CDC42BPA: variants seen among roughly 807,000 people sequenced by gnomAD.
CDC42BPA encodes serine/threonine-protein kinase MRCK alpha.
In CDC42BPA, 80 loss-of-function variants were observed where a neutral mutation model predicts 223.5. The observed-to-expected ratio is 0.36, with a 90% CI of 0.30 to 0.43. The LOEUF is 0.43. Among genes scored for constraint, CDC42BPA ranks in the 20% least tolerant of loss-of-function variants. The pLI is 1.00. For synonymous variants in CDC42BPA, 694 were observed against 718.6 expected (o/e 0.97, Z 0.55); for missense variants, 1,743 against 2,099.9 (o/e 0.83, Z 3.32).
intron 21 of CDC42BPA, among the ~76,000 whole-genome samples, chr1:227,067,431 A>G (rs1677319584): frequency 6.6e-6 from 1 of 152,180 alleles, no homozygotes; most frequent in East Asian, 1.9e-4. Flanking sequence ...AAGGTTTTCT[A>G]GTGGAAAGAA....
chr1:227,022,305 T>A (rs1015437189), intron 32 of CDC42BPA, among the ~76,000 whole-genome samples: 1 of 151,832 alleles, frequency 6.6e-6, no homozygotes, highest in Non-Finnish European at 1.5e-5. Flanking sequence ...TGGTGGTGCA[T>A]ACCTATAATC....
At chr1:227,114,279 G>A (rs1687429076) in intron 12 of CDC42BPA, among the ~76,000 whole-genome samples, 1 of 151,906 alleles carries the variant, frequency 6.6e-6, no homozygotes, top group Admixed American at 6.6e-5. Context: ...AACAGACACT[G>A]AAGAAGTAAC....
intron 35 of CDC42BPA, among the ~76,000 whole-genome samples, chr1:226,996,310 A>G (rs901892776): frequency 2.6e-5 from 4 of 152,214 alleles, no homozygotes; most frequent in Non-Finnish European, 5.9e-5. Flanking sequence ...ATTTTTGCAC[A>G]TTGATTTTGT....
chr1:227,111,365 C>T (rs1686885395), intron 14 of CDC42BPA, among the ~76,000 whole-genome samples: 1 of 152,168 alleles, frequency 6.6e-6, no homozygotes, highest in African/African-American at 2.4e-5. Flanking sequence ...CTGTAATATA[C>T]ATAATACTAT....
intron 11 of CDC42BPA, among the ~76,000 whole-genome samples, chr1:227,123,955 A>G (rs553671623): frequency 6.6e-6 from 1 of 152,290 alleles, no homozygotes; most frequent in African/African-American, 2.4e-5. Flanking sequence ...TCTCAGAAGT[A>G]CATTATAGAT....
At chr1:227,060,025 TTTTTG>T (rs1558401564) in intron 21 of CDC42BPA, among the ~76,000 whole-genome samples, 3 of 77,188 alleles carry the variant, frequency 3.9e-5, no homozygotes, top group Non-Finnish European at 5.4e-5. Context: ...AAAAAGTTTT[TTTTTG>T]TTTTTTTTTT....
intron 2 of CDC42BPA, among the ~76,000 whole-genome samples, chr1:227,225,135 ATT>A (rs1300050514): frequency 3.2e-4 from 48 of 152,210 alleles, no homozygotes; most frequent in African/African-American, 1.2e-3. Context: ...AAGACTAAAT[ATT>A]TGGTAAGAAA....
chr1:227,120,975 G>A (rs1022601298), intron 11 of CDC42BPA, among the ~76,000 whole-genome samples: 48 of 152,162 alleles, frequency 3.2e-4, no homozygotes, highest in African/African-American at 1.2e-3. Flanking sequence ...CGCATGAGCA[G>A]TTCACAATAG....
chr1:227,200,430 T>TAAA (rs1472043982), intron 3 of CDC42BPA, among the ~76,000 whole-genome samples: 1 of 93,756 alleles, frequency 1.1e-5, no homozygotes, highest in African/African-American at 4.1e-5. Flanking sequence ...GACCTTGCCT[T>TAAA]AAAAAACAAA....
intron 24 of CDC42BPA, among the ~76,000 whole-genome samples, chr1:227,038,834 C>G (rs1051588292): frequency 2.6e-5 from 4 of 152,198 alleles, no homozygotes; most frequent in African/African-American, 9.7e-5. Flanking sequence ...GTGGTCCAGT[C>G]ACAGCAAAAG....
chr1:227,232,063 C>CT (rs1244989275), intron 2 of CDC42BPA, among the ~76,000 whole-genome samples: 1 of 152,174 alleles, frequency 6.6e-6, no homozygotes, highest in Admixed American at 6.5e-5. Context: ...TTGCCCATGC[C>CT]ATGGCCTCAA....
chr1:227,168,566 G>A (rs772599081), intron 5 of CDC42BPA, among the ~76,000 whole-genome samples: 7 of 140,922 alleles, frequency 5.0e-5, no homozygotes, highest in South Asian at 2.2e-4. Flanking sequence ...TGCGATCTCC[G>A]CTCGCTGCAA....
At chr1:227,162,760 T>A (rs1345494029) in intron 5 of CDC42BPA, among the ~76,000 whole-genome samples, 3 of 152,080 alleles carry the variant, frequency 2.0e-5, no homozygotes, top group Non-Finnish European at 4.4e-5. Context: ...CACCTGAGCC[T>A]GGGAGGTCAA....
At chr1:227,023,498 A>G (rs1304313310) in intron 31 of CDC42BPA, 151 bp from the exon 32 acceptor site, 1 of 500,898 alleles carries the variant, frequency 2.0e-6, no homozygotes, top group Admixed American at 3.8e-5. Flanking sequence ...AATAATTCTG[A>G]CTGGAAAGGT....
At chr1:227,193,695 A>C in intron 5 of CDC42BPA, 91 bp downstream of exon 5, 1 of 1,058,240 alleles carries the variant, frequency 9.4e-7, no homozygotes, top group East Asian at 2.5e-5. Flanking sequence ...TGTATCCAAG[A>C]CCATAATTAA....
rs948173113 is a variant in CDC42BPA at position 227,081,047 on chromosome 1, T to C, written c.2356-30A>G. The C allele has an allele frequency of 1.9e-6, 3 of 1,609,394 alleles. No homozygotes were observed. In the African/African-American group the frequency reaches 4.0e-5, roughly 22 times the overall value. ...AAGATAGTTTTAAGACATGCATGACTTTTAGGACCAAGAATTCGAGGTGTT... is the reference window on the plus strand; with the variant it reads ...AAGATAGTTTTAAGACATGCATGACCTTTAGGACCAAGAATTCGAGGTGTT... On this transcript the variant is annotated intron_variant, in intron 16 of 36. Coordinates refer to ENST00000366766, the MANE Select transcript of CDC42BPA (RefSeq NM_001394014.1).
rs553230674 is a variant in CDC42BPA at position 227,248,765 on chromosome 1, C to A, written c.270+5299G>T. On this transcript the variant is annotated intron_variant, in intron 2 of 36. Coordinates refer to ENST00000366766, the MANE Select transcript of CDC42BPA (RefSeq NM_001394014.1). ...CATACATCAATATACTGATGAAACA[C>A]TGATGAAAGAAACTGAAGAGGACAC... 8.6e-5 allele frequency among the ~76,000 whole-genome samples: 13 copies of A among 152,024 alleles called. No homozygotes were observed. In the South Asian group the frequency reaches 2.7e-3, roughly 32 times the overall value.
intron 15 of CDC42BPA, among the ~76,000 whole-genome samples, chr1:227,096,680 C>T (rs952579178): frequency 6.6e-6 from 1 of 152,200 alleles, no homozygotes; most frequent in African/African-American, 2.4e-5. Context: ...GTCTACATTC[C>T]TGGCTTCTTT....
At chr1:227,254,206 A>G in intron 1 of CDC42BPA, 51 bp from the exon 2 acceptor site, 1 of 927,440 alleles carries the variant, frequency 1.1e-6, no homozygotes, top group Non-Finnish European at 1.7e-6. Context: ...TGTGATGCAA[A>G]TTAGATATAA....
Sources: gnomAD v4.1 joint callset for allele counts (sites outside exome capture counted in the v4.1 genomes callset) on GRCh38, gnomAD v4.1.1 for gene constraint, MANE v1.5 for transcripts, NCBI Gene and HGNC (gene_info 2026-07-23, HGNC 2026-07-21) for gene names.